ASB11: variants seen among roughly 807,000 people sequenced by gnomAD.
ASB11 encodes ankyrin repeat and SOCS box containing 11.
A neutral mutation model predicts 20.1 loss-of-function variants in ASB11; 17 were observed. The observed-to-expected ratio is 0.85, with a 90% CI of 0.58 to 1.27. The LOEUF is 1.27. ASB11 is among the 50% of genes most tolerant of loss of function. The pLI is 0.00. For missense variants in ASB11, 259 were observed against 256.9 expected, an observed-to-expected ratio of 1.01 and a Z score of -0.06; for synonymous variants, 107 against 105.6, an observed-to-expected ratio of 1.01 and a Z score of -0.08.
Position 15,287,991 on chromosome X carries a change from A to T in ASB11, c.737T>A (p.Leu246Gln). 8.2e-7 allele frequency: 1 copy of T among 1,212,164 alleles called. No homozygotes were observed. Among genetic ancestry groups the T allele is most frequent in the Non-Finnish European group, 1.1e-6 (1 of 895,590 alleles). ...ARQSNVEVIHLLTDYGANLKR... is the reference protein window; with the variant it reads ...ARQSNVEVIHQLTDYGANLKR... ...CAGGTTAGCTCCATAGTCGGTTAGCAGGTGGATGACCTCCACATTGGACTG... is the reference window on the plus strand; with the variant it reads ...CAGGTTAGCTCCATAGTCGGTTAGCTGGTGGATGACCTCCACATTGGACTG... Residue 246 changes from leucine to glutamine, a missense_variant, in exon 6 of 7, where the codon CTG becomes CAG. By Grantham distance (113) the Leu-to-Gln change is moderately radical. Coordinates refer to ENST00000480796, the MANE Select transcript of ASB11 (RefSeq NM_080873.3).
chrX:15,306,428 C>T (rs140149804), intron 1 of ASB11, among the ~76,000 whole-genome samples: 1,755 of 111,714 alleles, frequency 0.016, 34 homozygotes, highest in African/African-American at 0.054. Flanking sequence ...TCTTTGAGGC[C>T]GGGTGCAGTG....
chrX:15,311,507 G>A (rs895252585), intron 1 of ASB11, among the ~76,000 whole-genome samples: 3 of 112,429 alleles, frequency 2.7e-5, no homozygotes, highest in Non-Finnish European at 3.8e-5. Flanking sequence ...AAACTAAGGC[G>A]ATCCTATTGG....
At position 15,314,234 on chromosome X, in the gene ASB11, T is replaced by C. The variant is rs57936733; in HGVS notation, c.181+1191A>G. 8.3e-3 allele frequency: 7,428 copies of C among 896,470 alleles called. 215 individuals carry two copies. The African/African-American group carries it at 0.1, about 12-fold the overall frequency. The allele number at this position is 896,470 out of a possible 1,213,427, so 73.9% of individuals were successfully genotyped here. On this transcript the variant is annotated intron_variant, in intron 1 of 6. Transcript: ENST00000480796. Reference sequence around the variant, plus strand: ...ATCTATGAGAACACCAAAACTATTATTGAAAATTTTAGAAAGCCCTTGCCC... The same window carrying C: ...ATCTATGAGAACACCAAAACTATTACTGAAAATTTTAGAAAGCCCTTGCCC...
intron 1 of ASB11, among the ~76,000 whole-genome samples, chrX:15,307,193 C>T (rs1297162713): frequency 8.9e-6 from 1 of 112,560 alleles, no homozygotes; most frequent in African/African-American, 3.2e-5. Context: ...AGTAACTTTC[C>T]GTTACTTATC....
chrX:15,314,057 CAAAAA>C (rs760402919), intron 1 of ASB11, among the ~76,000 whole-genome samples: 1 of 34,188 alleles, frequency 2.9e-5, no homozygotes, highest in Non-Finnish European at 5.5e-5. Flanking sequence ...GACTCCATCT[CAAAAA>C]AAAAAAAAAA....
chrX:15,290,259 A>G (rs955298509), intron 4 of ASB11, among the ~76,000 whole-genome samples: 6 of 110,778 alleles, frequency 5.4e-5, no homozygotes, highest in Admixed American at 9.7e-5. Context: ...TGATGCCACC[A>G]TTTTACAAAT....
At chrX:15,310,024 G>T (rs777894017) in intron 1 of ASB11, among the ~76,000 whole-genome samples, 1 of 91,159 alleles carries the variant, frequency 1.1e-5, no homozygotes, top group Non-Finnish European at 2.2e-5. Flanking sequence ...AACTGGAAAC[G>T]AAGTAACTCT....
rs746995962 is a variant in ASB11 at position 15,304,702 on chromosome X, A to G, written c.182-1895T>C. 3.1e-4 allele frequency among the ~76,000 whole-genome samples: 35 copies of G among 111,945 alleles called. No homozygotes were observed. In the South Asian group the frequency reaches 0.011, roughly 37 times the overall value. ...AGACCAGCCTGGCCAGCATGGTGAA[A>G]CCCTGTCTCTGATAAAAATACAAAA... On this transcript the variant is annotated intron_variant, in intron 1 of 6. Coordinates refer to ENST00000480796, the MANE Select transcript of ASB11 (RefSeq NM_080873.3).
At chrX:15,308,620 C>A (rs1017440496) in intron 1 of ASB11, among the ~76,000 whole-genome samples, 4 of 111,915 alleles carry the variant, frequency 3.6e-5, no homozygotes, top group Admixed American at 2.8e-4. Flanking sequence ...AATGGTAACA[C>A]CCCAAAATGC....
intron 6 of ASB11, among the ~76,000 whole-genome samples, chrX:15,284,729 T>C (rs187885034): frequency 1.9e-4 from 21 of 111,884 alleles, no homozygotes; most frequent in African/African-American, 6.8e-4. Flanking sequence ...TTGAATAGGA[T>C]GAATGAGCTT....
chrX:15,284,704 G>A (rs767786589), intron 6 of ASB11, among the ~76,000 whole-genome samples: 2 of 111,860 alleles, frequency 1.8e-5, no homozygotes, highest in Non-Finnish European at 3.8e-5. Context: ...CAGCTGATGA[G>A]AGTCCAGAAT....
At chrX:15,291,196 T>A (rs1258422005) in intron 4 of ASB11, among the ~76,000 whole-genome samples, 1 of 111,542 alleles carries the variant, frequency 9.0e-6, no homozygotes, top group African/African-American at 3.3e-5. Flanking sequence ...CTTAACATGC[T>A]TTTACAGTAC....
At chrX:15,290,297 C>T (rs924542250) in intron 4 of ASB11, among the ~76,000 whole-genome samples, 4 of 111,113 alleles carry the variant, frequency 3.6e-5, no homozygotes, top group Non-Finnish European at 5.7e-5. Flanking sequence ...GAGGGACAAA[C>T]GACTAGGCCT....
Position 15,283,573 on chromosome X carries a change from C to G in ASB11, c.904G>C (p.Ala302Pro). The G allele has an allele frequency of 9.9e-6, 12 of 1,209,770 alleles. No individual in the cohort carries two copies. The highest frequency in any genetic ancestry group is 1.1e-5 in the Non-Finnish European group (10 of 894,261). Reference sequence around the variant, plus strand: ...AGCTTGTGGATGGCTTGATGACATGCTCGACCGAGACACTTCCGGACACAC... The same window carrying G: ...AGCTTGTGGATGGCTTGATGACATGGTCGACCGAGACACTTCCGGACACAC... ...RLCVRKCLGR[A>P]CHQAIHKLHL... The change falls in exon 7 of 7, where the codon GCA becomes CCA. Residue 302 changes from alanine (A) to proline (P), a missense_variant. By Grantham distance (27) the Ala-to-Pro change is conservative (BLOSUM62 -1). Transcript: ENST00000480796.
At chrX:15,284,149 G>T (rs376687588) in intron 6 of ASB11, among the ~76,000 whole-genome samples, 4 of 106,707 alleles carry the variant, frequency 3.7e-5, no homozygotes, top group South Asian at 8.4e-4. Context: ...CTACTCGGGA[G>T]GCTGAGGCAG....
Position 15,283,484 on chromosome X carries a change from T to A in ASB11, c.*21A>T. On this transcript the variant is annotated 3_prime_UTR_variant, in exon 7 of 7. Transcript: ENST00000480796. ...ACAACAATCTGTGTCATTCCAAGTA[T>A]CTTCCCAGGAACACTTAGGACTATT... 15 of 1,209,451 alleles carry A rather than the reference T, an allele frequency of 1.2e-5. No homozygotes were observed. Among genetic ancestry groups the A allele is most frequent in the Non-Finnish European group, 1.7e-5 (15 of 893,604 alleles).
chrX:15,294,027 A>C (rs1920950650), intron 3 of ASB11, among the ~76,000 whole-genome samples: 1 of 110,998 alleles, frequency 9.0e-6, no homozygotes, highest in African/African-American at 3.3e-5. Flanking sequence ...AGTATAATAA[A>C]AAATAAAAAT....
chrX:15,284,667 G>A (rs1440075035), intron 6 of ASB11, among the ~76,000 whole-genome samples: 1 of 111,895 alleles, frequency 8.9e-6, no homozygotes, highest in Non-Finnish European at 1.9e-5. Context: ...CCATGGCTTT[G>A]AATGGCTCTG....
chrX:15,313,171 G>T (rs1221556456), intron 1 of ASB11, among the ~76,000 whole-genome samples: 1 of 111,463 alleles, frequency 9.0e-6, no homozygotes, highest in Non-Finnish European at 1.9e-5. Flanking sequence ...GGCCAAGGTG[G>T]GCAGATCACT....
Sources: allele counts gnomAD v4.1 joint callset (sites outside exome capture counted in the v4.1 genomes callset), GRCh38; gene constraint gnomAD v4.1.1; transcripts MANE v1.5; gene names NCBI Gene and HGNC (gene_info 2026-07-23, HGNC 2026-07-21).